Variants in AUTS2 observed in about 807,000 individuals in gnomAD.
AUTS2 encodes the protein activator of transcription and developmental regulator AUTS2, also known as autism susceptibility gene 2 protein.
AUTS2 carries 17 observed loss-of-function variants against 112.4 expected under a neutral mutation model. The observed-to-expected ratio is 0.15, with a 90% CI of 0.10 to 0.23. AUTS2 has a LOEUF of 0.23. Among genes scored for constraint, AUTS2 ranks in the 10% least tolerant of loss-of-function variants. AUTS2 has a pLI of 1.00. For synonymous variants in AUTS2, 751 were observed against 702.7 expected, an observed-to-expected ratio of 1.07 and a Z score of -1.09; for missense variants, 1,510 against 1,701.6, an observed-to-expected ratio of 0.89 and a Z score of 1.98.
chr7:69,614,239 T>C (rs991825121), intron 1 of AUTS2, among the ~76,000 whole-genome samples: 7 of 152,134 alleles, frequency 4.6e-5, no homozygotes, highest in African/African-American at 1.7e-4. Flanking sequence ...TCACTGGGCC[T>C]GAATTTTCTA....
At chr7:69,965,405 A>G (rs1309386821) in intron 2 of AUTS2, among the ~76,000 whole-genome samples, 1 of 152,138 alleles carries the variant, frequency 6.6e-6, no homozygotes, top group Admixed American at 6.6e-5. Flanking sequence ...ATTGATGCAG[A>G]TTGGGTGCTT....
At chr7:69,730,019 T>TTTA (rs10684332) in intron 1 of AUTS2, among the ~76,000 whole-genome samples, 2 of 132,100 alleles carry the variant, frequency 1.5e-5, no homozygotes, top group East Asian at 2.2e-4. Flanking sequence ...TTTTTTTTTT[T>TTTA]AGAAACTAGG....
intron 5 of AUTS2, among the ~76,000 whole-genome samples, chr7:70,464,866 G>A (rs1051532270): frequency 2.0e-5 from 3 of 152,240 alleles, no homozygotes; most frequent in African/African-American, 7.2e-5. Context: ...TATTGTTTAT[G>A]GGTTGTTTCA....
At chr7:70,339,577 A>G (rs1288789493) in intron 4 of AUTS2, among the ~76,000 whole-genome samples, 2 of 152,226 alleles carry the variant, frequency 1.3e-5, no homozygotes, top group Non-Finnish European at 2.9e-5. Context: ...GTTTAAACCA[A>G]TGTGAAACCT....
chr7:69,963,492 C>T (rs1797512426), intron 2 of AUTS2, among the ~76,000 whole-genome samples: 1 of 152,056 alleles, frequency 6.6e-6, no homozygotes, highest in African/African-American at 2.4e-5. Context: ...TCTATCATAG[C>T]AGGTGAAGTT....
intron 1 of AUTS2, among the ~76,000 whole-genome samples, chr7:69,652,437 C>T (rs557478197): frequency 4.0e-5 from 6 of 149,960 alleles, no homozygotes; most frequent in South Asian, 2.1e-4. Flanking sequence ...TAATAATGTA[C>T]GGAGACAGTA....
intron 4 of AUTS2, among the ~76,000 whole-genome samples, chr7:70,235,580 A>G (rs1812281657): frequency 6.6e-6 from 1 of 152,086 alleles, no homozygotes; most frequent in Admixed American, 6.5e-5. Context: ...TTTTAGGTGG[A>G]TGCTCTGCTT....
chr7:70,133,397 T>C (rs1806378775), intron 3 of AUTS2, among the ~76,000 whole-genome samples: 1 of 152,210 alleles, frequency 6.6e-6, no homozygotes, highest in Non-Finnish European at 1.5e-5. Flanking sequence ...CCTTATTAAA[T>C]GCATCCTGTG....
chr7:69,907,494 A>G (rs1795193833), intron 2 of AUTS2, among the ~76,000 whole-genome samples: 1 of 152,240 alleles, frequency 6.6e-6, no homozygotes, highest in Non-Finnish European at 1.5e-5. Flanking sequence ...ACCAACACAC[A>G]TCCTCTCACA....
At position 70,560,253 on chromosome 7, in the gene AUTS2, T is replaced by C. The variant is rs561385222; in HGVS notation, c.690+124472T>C. Among the ~76,000 whole-genome samples, 19 of 152,328 alleles carry C rather than the reference T, an allele frequency of 1.2e-4. 1 individual carries two copies. In the South Asian group the frequency reaches 3.5e-3, roughly 28 times the overall value. ...AAATCACTCTATCTACTTATCCAGC[T>C]TTGCTCTTCTTCACAGCACTGAGCC... On this transcript the variant is annotated intron_variant, in intron 5 of 18. Coordinates refer to ENST00000342771, the MANE Select transcript of AUTS2 (RefSeq NM_015570.4).
At chr7:70,196,904 T>G (rs1426126353) in intron 4 of AUTS2, among the ~76,000 whole-genome samples, 1 of 152,180 alleles carries the variant, frequency 6.6e-6, no homozygotes, top group African/African-American at 2.4e-5. Flanking sequence ...TGTTCTCTCT[T>G]AAGAAAAAGG....
chr7:70,181,257 A>T (rs1809284181), intron 4 of AUTS2, among the ~76,000 whole-genome samples: 2 of 152,192 alleles, frequency 1.3e-5, no homozygotes, highest in African/African-American at 4.8e-5. Context: ...ACATGCTTGT[A>T]CAGATCTCCT....
chr7:70,058,864 T>A (rs79669638), intron 2 of AUTS2, among the ~76,000 whole-genome samples: 2 of 152,146 alleles, frequency 1.3e-5, no homozygotes, highest in South Asian at 4.1e-4. Flanking sequence ...CTTCATTTTT[T>A]AGAGCAGTTT....
intron 4 of AUTS2, among the ~76,000 whole-genome samples, chr7:70,419,137 A>G (rs1256343143): frequency 6.6e-6 from 1 of 152,138 alleles, no homozygotes; most frequent in African/African-American, 2.4e-5. Context: ...GCACCAACCT[A>G]ATATGATTTT....
intron 2 of AUTS2, among the ~76,000 whole-genome samples, chr7:69,906,509 C>T (rs1300785518): frequency 1.3e-5 from 2 of 152,168 alleles, no homozygotes; most frequent in Non-Finnish European, 2.9e-5. Flanking sequence ...ACAGGCGACT[C>T]ACAATGTGCT....
intron 4 of AUTS2, among the ~76,000 whole-genome samples, chr7:70,161,752 G>A (rs911913912): frequency 6.6e-6 from 1 of 151,876 alleles, no homozygotes; most frequent in Non-Finnish European, 1.5e-5. Flanking sequence ...AGTACTTTAA[G>A]AATCCCTTTA....
At chr7:69,760,327 A>C (rs1418982318) in intron 1 of AUTS2, among the ~76,000 whole-genome samples, 1 of 150,816 alleles carries the variant, frequency 6.6e-6, no homozygotes, top group Non-Finnish European at 1.5e-5. Context: ...GAGTCATCGC[A>C]CCTGGCCTCT....
At chr7:69,844,813 C>G (rs1198525013) in intron 1 of AUTS2, among the ~76,000 whole-genome samples, 1 of 152,164 alleles carries the variant, frequency 6.6e-6, no homozygotes, top group Non-Finnish European at 1.5e-5. Flanking sequence ...CTCTACTCCC[C>G]TTCCATTTGA....
At chr7:69,859,798 A>G (rs1792893651) in intron 1 of AUTS2, among the ~76,000 whole-genome samples, 1 of 152,186 alleles carries the variant, frequency 6.6e-6, no homozygotes, top group Admixed American at 6.5e-5. Flanking sequence ...GCCAGAGTGA[A>G]AAAACAAAAC....
Sources: gnomAD v4.1 joint callset for allele counts (sites outside exome capture counted in the v4.1 genomes callset) on GRCh38, gnomAD v4.1.1 for gene constraint, MANE v1.5 for transcripts, NCBI Gene and HGNC (gene_info 2026-07-23, HGNC 2026-07-21) for gene names.